The following NRCAM variants were observed in gnomAD, a reference collection of about 807,000 sequenced individuals.
NRCAM encodes neuronal cell adhesion molecule.
A neutral mutation model predicts 156.5 loss-of-function variants in NRCAM; 83 were observed. The observed-to-expected ratio is 0.53, with a 90% CI of 0.44 to 0.64. The LOEUF is 0.64. NRCAM is among the 30% of genes least tolerant of loss of function. The probability of loss-of-function intolerance (pLI) is 0.00; values close to 1 mark genes in which losing one functional copy is unlikely to be tolerated. For synonymous variants in NRCAM, 538 were observed against 563.9 expected (o/e 0.95, Z 0.65); for missense variants, 1,417 against 1,597.3 (o/e 0.89, Z 1.92).
At chr7:108,155,101 T>TACACACACACAC (rs58111040) in intron 32 of NRCAM, among the ~76,000 whole-genome samples, 1 of 123,102 alleles carries the variant, frequency 8.1e-6, no homozygotes, top group Non-Finnish European at 1.6e-5. Context: ...TATATATATA[T>TACACACACACAC]ACACACACAC....
chr7:108,262,861 A>G (rs1049022023), intron 3 of NRCAM, among the ~76,000 whole-genome samples: 1 of 152,198 alleles, frequency 6.6e-6, no homozygotes, highest in African/African-American at 2.4e-5. Context: ...TTCACCACGA[A>G]GCCTTTTGGC....
intron 1 of NRCAM, among the ~76,000 whole-genome samples, chr7:108,439,862 C>G (rs1598156165): frequency 1.4e-5 from 2 of 142,938 alleles, no homozygotes; most frequent in Non-Finnish European, 1.5e-5. Flanking sequence ...AAAGGACAGG[C>G]AATACTAAAG....
intron 3 of NRCAM, among the ~76,000 whole-genome samples, chr7:108,278,707 G>A (rs544108710): frequency 5.5e-4 from 84 of 152,318 alleles, no homozygotes; most frequent in African/African-American, 1.8e-3. Flanking sequence ...GACCCCTTGC[G>A]CTTCCCCAGT....
At chr7:108,450,464 T>G (rs1048566916) in intron 1 of NRCAM, among the ~76,000 whole-genome samples, 1 of 152,206 alleles carries the variant, frequency 6.6e-6, no homozygotes, top group East Asian at 1.9e-4. Context: ...TCTTGGAAGA[T>G]TCAATGGTAG....
intron 3 of NRCAM, among the ~76,000 whole-genome samples, chr7:108,262,723 C>T (rs990087654): frequency 1.3e-5 from 2 of 152,168 alleles, no homozygotes; most frequent in African/African-American, 4.8e-5. Flanking sequence ...GCATTTGGTC[C>T]TTCTCCATCT....
At chr7:108,164,560 G>C (rs1475387640) in intron 30 of NRCAM, among the ~76,000 whole-genome samples, 2 of 151,474 alleles carry the variant, frequency 1.3e-5, no homozygotes, top group African/African-American at 2.4e-5. Context: ...GAGGAGAGGA[G>C]AGGAGAGGAG....
intron 19 of NRCAM, 70 bp downstream of exon 19, chr7:108,191,184 T>C: frequency 7.8e-7 from 1 of 1,288,060 alleles, no homozygotes; most frequent in African/African-American, 1.5e-5. Flanking sequence ...GAAAAGAAAG[T>C]TATGAATACT....
chr7:108,446,929 C>G (rs2154491460), intron 1 of NRCAM, among the ~76,000 whole-genome samples: 1 of 151,990 alleles, frequency 6.6e-6, no homozygotes, highest in East Asian at 1.9e-4. Flanking sequence ...GGGGTTTCAC[C>G]ATGTTGGCCA....
At chr7:108,386,202 T>G (rs2099740459) in intron 2 of NRCAM, among the ~76,000 whole-genome samples, 1 of 152,186 alleles carries the variant, frequency 6.6e-6, no homozygotes, top group Non-Finnish European at 1.5e-5. Context: ...TGGCTTCTAG[T>G]CCAGTGCTCT....
intron 2 of NRCAM, among the ~76,000 whole-genome samples, chr7:108,324,816 T>C (rs1349994619): frequency 6.6e-6 from 1 of 151,434 alleles, no homozygotes; most frequent in Admixed American, 6.6e-5. Flanking sequence ...GTTATGTCCA[T>C]ATTAACCAAA....
At chr7:108,293,921 A>G (rs1014847157) in intron 3 of NRCAM, among the ~76,000 whole-genome samples, 3 of 152,042 alleles carry the variant, frequency 2.0e-5, no homozygotes, top group Non-Finnish European at 2.9e-5. Flanking sequence ...TAATTCACCT[A>G]TTGTCTTTTA....
At chr7:108,422,409 T>A (rs527695235) in intron 1 of NRCAM, among the ~76,000 whole-genome samples, 5 of 152,258 alleles carry the variant, frequency 3.3e-5, no homozygotes, top group African/African-American at 1.2e-4. Context: ...ACTAAAAATC[T>A]TGCTGAAGGT....
chr7:108,310,363 A>G (rs2098785647), intron 3 of NRCAM, among the ~76,000 whole-genome samples: 1 of 152,188 alleles, frequency 6.6e-6, no homozygotes, highest in Admixed American at 6.5e-5. Flanking sequence ...AAGGTTTTCA[A>G]TGCAGGTAGA....
intron 2 of NRCAM, among the ~76,000 whole-genome samples, chr7:108,342,493 A>G (rs539681510): frequency 1.1e-4 from 16 of 152,342 alleles, no homozygotes; most frequent in Non-Finnish European, 1.9e-4. Flanking sequence ...AATTTAGGAA[A>G]CTCAGAAAGC....
chr7:108,274,874 T>A (rs1220321621), intron 3 of NRCAM, among the ~76,000 whole-genome samples: 2 of 152,194 alleles, frequency 1.3e-5, no homozygotes, highest in Non-Finnish European at 2.9e-5. Flanking sequence ...TAGCTGTGGG[T>A]TTGTCATAAA....
chr7:108,271,776 T>C (rs930358904), intron 3 of NRCAM, among the ~76,000 whole-genome samples: 3 of 152,168 alleles, frequency 2.0e-5, no homozygotes, highest in African/African-American at 7.2e-5. Flanking sequence ...TACTTTTTGA[T>C]TAAGTAATTT....
rs540932937 is a variant in NRCAM at position 108,287,888 on chromosome 7, G to C, written c.-107+24777C>G. 1.3e-3 allele frequency among the ~76,000 whole-genome samples: 191 copies of C among 151,886 alleles called. 1 individual carries two copies. Among genetic ancestry groups the C allele is most frequent in the South Asian group, 0.01 (49 of 4,800 alleles). On this transcript the variant is annotated intron_variant, in intron 3 of 32. Coordinates refer to ENST00000379028, the MANE Select transcript of NRCAM (RefSeq NM_001037132.4). ...CTAGATATCTACCCAAAGGAAAAAA[G>C]ATCATTTTATCAAAAAGACACCTGT...
chr7:108,322,852 T>G (rs1267969013), intron 2 of NRCAM, among the ~76,000 whole-genome samples: 3 of 152,222 alleles, frequency 2.0e-5, no homozygotes, highest in Admixed American at 1.3e-4. Context: ...ATCTTTAATG[T>G]AACATAGCCT....
intron 2 of NRCAM, among the ~76,000 whole-genome samples, chr7:108,316,590 A>G (rs573832295): frequency 6.6e-6 from 1 of 152,094 alleles, no homozygotes; most frequent in Non-Finnish European, 1.5e-5. Flanking sequence ...CCTGTCTAAC[A>G]CGGTGAAACC....
Sources: allele counts gnomAD v4.1 joint callset (sites outside exome capture counted in the v4.1 genomes callset), GRCh38; gene constraint gnomAD v4.1.1; transcripts MANE v1.5; gene names NCBI Gene and HGNC (gene_info 2026-07-23, HGNC 2026-07-21).